Variants in EPHA6 observed in about 807,000 individuals in gnomAD.
The protein encoded by EPHA6 is EPH receptor A6, also known as ephrin type-A receptor 6.
In EPHA6, 50 loss-of-function variants were observed where a neutral mutation model predicts 112.0. That is an observed-to-expected ratio of 0.45 (90% confidence interval 0.36 to 0.56). The LOEUF (loss-of-function observed/expected upper bound fraction) is 0.56, where lower values mean the gene tolerates loss of function less well. Among genes scored for constraint, EPHA6 ranks in the 20% least tolerant of loss-of-function variants. The probability of loss-of-function intolerance (pLI) is 0.00; values close to 1 mark genes in which losing one functional copy is unlikely to be tolerated. For synonymous variants in EPHA6, 529 were observed against 490.7 expected (o/e 1.08, Z -1.03); for missense variants, 1,280 against 1,417.4 (o/e 0.90, Z 1.56).
intron 13 of EPHA6, among the ~76,000 whole-genome samples, chr3:97,633,190 A>G (rs1358148659): frequency 6.6e-6 from 1 of 152,016 alleles, no homozygotes; most frequent in Non-Finnish European, 1.5e-5. Flanking sequence ...AGCAGGCATT[A>G]TTATATATAG....
chr3:97,041,536 A>G (rs899637824), intron 3 of EPHA6, among the ~76,000 whole-genome samples: 8 of 152,094 alleles, frequency 5.3e-5, no homozygotes, highest in Non-Finnish European at 1.0e-4. Flanking sequence ...CCACATATTT[A>G]TGTTTGACTG....
intron 5 of EPHA6, among the ~76,000 whole-genome samples, chr3:97,351,367 G>T (rs964638825): frequency 6.6e-6 from 1 of 152,302 alleles, no homozygotes; most frequent in African/African-American, 2.4e-5. Flanking sequence ...TAAGCAATGT[G>T]CATGTAGTGT....
chr3:96,972,205 C>T (rs996695708), intron 2 of EPHA6, among the ~76,000 whole-genome samples: 3 of 151,866 alleles, frequency 2.0e-5, no homozygotes, highest in Admixed American at 1.3e-4. Flanking sequence ...TATATATTTA[C>T]TATAAATACA....
chr3:97,211,718 G>A (rs1442603803), intron 3 of EPHA6, among the ~76,000 whole-genome samples: 1 of 152,040 alleles, frequency 6.6e-6, no homozygotes, highest in Non-Finnish European at 1.5e-5. Flanking sequence ...TCAAAATTTG[G>A]GGGGCATACA....
intron 1 of EPHA6, among the ~76,000 whole-genome samples, chr3:96,834,305 G>T (rs1263193895): frequency 6.6e-6 from 1 of 151,996 alleles, no homozygotes; most frequent in African/African-American, 2.4e-5. Context: ...TGCATGGTCT[G>T]CCCATGCCTT....
At chr3:97,270,091 C>T (rs183648138) in intron 5 of EPHA6, among the ~76,000 whole-genome samples, 25 of 152,106 alleles carry the variant, frequency 1.6e-4, no homozygotes, top group Admixed American at 6.5e-4. Context: ...GTTGCCTAGA[C>T]GTAGTCAATA....
At chr3:97,666,867 T>TA (rs1214670957) in intron 14 of EPHA6, among the ~76,000 whole-genome samples, 85 of 152,322 alleles carry the variant, frequency 5.6e-4, no homozygotes, top group African/African-American at 1.6e-3. Context: ...GGCTTTAGTT[T>TA]TTTAATTCAA....
chr3:97,202,366 T>A (rs2077597894), intron 3 of EPHA6, among the ~76,000 whole-genome samples: 1 of 150,712 alleles, frequency 6.6e-6, no homozygotes, highest in African/African-American at 2.5e-5. Flanking sequence ...TTTTTTTTTT[T>A]GAGAGATGGA....
intron 1 of EPHA6, among the ~76,000 whole-genome samples, chr3:96,856,038 A>G (rs2107399004): frequency 6.6e-6 from 1 of 152,240 alleles, no homozygotes; most frequent in South Asian, 2.1e-4. Flanking sequence ...TAGGAATTCA[A>G]GATTAGCCTG....
At chr3:97,042,100 A>G (rs7616664) in intron 3 of EPHA6, among the ~76,000 whole-genome samples, 3,348 of 152,120 alleles carry the variant, frequency 0.022, 135 homozygotes, top group African/African-American at 0.076. Flanking sequence ...ATGTTTGCAT[A>G]TTTGTCTCCG....
At chr3:96,988,572 TAAATG>T (rs1428067522) in intron 3 of EPHA6, among the ~76,000 whole-genome samples, 1 of 152,172 alleles carries the variant, frequency 6.6e-6, no homozygotes, top group African/African-American at 2.4e-5. Flanking sequence ...TATATTTAAA[TAAATG>T]AGGGATTCAT....
intron 5 of EPHA6, among the ~76,000 whole-genome samples, chr3:97,398,346 A>G (rs1319684817): frequency 6.6e-6 from 1 of 151,502 alleles, no homozygotes; most frequent in East Asian, 1.9e-4. Flanking sequence ...ATTTCCCTTT[A>G]AAGTTATAAT....
intron 3 of EPHA6, among the ~76,000 whole-genome samples, chr3:97,128,453 G>A (rs764455557): frequency 1.3e-5 from 2 of 152,102 alleles, no homozygotes; most frequent in Non-Finnish European, 2.9e-5. Flanking sequence ...TATAATACTT[G>A]ATATCTAGCT....
At chr3:97,693,322 C>G (rs1422489705) in intron 14 of EPHA6, among the ~76,000 whole-genome samples, 3 of 151,866 alleles carry the variant, frequency 2.0e-5, no homozygotes, top group African/African-American at 7.3e-5. Flanking sequence ...TTAAGCAGAG[C>G]CAGTATATAT....
chr3:97,631,277 G>T (rs1385662503), intron 13 of EPHA6, among the ~76,000 whole-genome samples: 11 of 151,878 alleles, frequency 7.2e-5, no homozygotes, highest in Non-Finnish European at 1.5e-4. Flanking sequence ...TGTCTCTTAT[G>T]AACCCTTTGC....
At chr3:97,478,232 AT>A (rs1229016830) in intron 8 of EPHA6, among the ~76,000 whole-genome samples, 6 of 152,126 alleles carry the variant, frequency 3.9e-5, no homozygotes, top group African/African-American at 1.4e-4. Context: ...TTCATAGAGT[AT>A]TTCAGTAAAC....
chr3:97,244,865 A>G (rs2078941950), intron 5 of EPHA6, among the ~76,000 whole-genome samples: 1 of 152,040 alleles, frequency 6.6e-6, no homozygotes, highest in Non-Finnish European at 1.5e-5. Context: ...TGTTCTCTTT[A>G]TAACATCATA....
chr3:97,601,736 G>T (rs1466132846), intron 12 of EPHA6, among the ~76,000 whole-genome samples: 3 of 151,954 alleles, frequency 2.0e-5, no homozygotes, highest in Non-Finnish European at 4.4e-5. Flanking sequence ...GTAGTCAGTG[G>T]TTTAATTATG....
At chr3:97,475,180 T>G (rs764925347) in intron 7 of EPHA6, among the ~76,000 whole-genome samples, 172 bp from the exon 8 acceptor site, 1 of 152,102 alleles carries the variant, frequency 6.6e-6, no homozygotes, top group Non-Finnish European at 1.5e-5. Flanking sequence ...CAGCCCTGAG[T>G]CAAAACTCAT....
Sources: gnomAD v4.1 joint callset for allele counts (sites outside exome capture counted in the v4.1 genomes callset) on GRCh38, gnomAD v4.1.1 for gene constraint, MANE v1.5 for transcripts, NCBI Gene and HGNC (gene_info 2026-07-23, HGNC 2026-07-21) for gene names.